Variants in TATDN2 observed in about 807,000 individuals in gnomAD.
The protein encoded by TATDN2 is TatD DNase domain containing 2, also known as 3'-5' RNA nuclease TATDN2.
TATDN2 carries 44 observed loss-of-function variants against 60.3 expected under a neutral mutation model. That is an observed-to-expected ratio of 0.73 (90% CI 0.57 to 0.94). TATDN2 has a LOEUF of 0.94. Ranked by LOEUF, TATDN2 falls within the 40% of genes least tolerant of loss-of-function variation. The pLI, the probability that TATDN2 is intolerant of heterozygous loss-of-function variation, is 0.00. For synonymous variants in TATDN2, 399 were observed against 355.8 expected (o/e 1.12, Z -1.37); for missense variants, 997 against 948.0 (o/e 1.05, Z -0.68).
In TATDN2 at chr3:10,249,484, G is replaced by C; in HGVS notation, c.284G>C (p.Gly95Ala). The change falls in exon 2 of 8, where the codon GGG (glycine) becomes GCG (alanine). Residue 95 changes from glycine to alanine, a missense_variant. By Grantham distance (60) the Gly-to-Ala change is moderately conservative (BLOSUM62 0). Coordinates refer to ENST00000448281, the MANE Select transcript of TATDN2 (RefSeq NM_014760.4). ...SPHFLGPGVG[G>A]AASKGCLIRN... ...CATTTCTTGGGCCCTGGTGTGGGCG[G>C]GGCCGCCTCCAAAGGCTGCCTGATT... The C allele has an allele frequency of 6.2e-7, 1 of 1,613,466 alleles. No homozygotes were observed.
At chr3:10,272,520 C>T (rs1397052955) in intron 4 of TATDN2, among the ~76,000 whole-genome samples, 1 of 151,876 alleles carries the variant, frequency 6.6e-6, no homozygotes, top group Non-Finnish European at 1.5e-5. Flanking sequence ...CTCACTGCAG[C>T]CTCCAGTTCC....
At chr3:10,254,818 C>T (rs577171230) in intron 2 of TATDN2, among the ~76,000 whole-genome samples, 1 of 152,202 alleles carries the variant, frequency 6.6e-6, no homozygotes, top group Admixed American at 6.5e-5. Flanking sequence ...ACGAACTCTC[C>T]CCTTTATGAA....
intron 3 of TATDN2, among the ~76,000 whole-genome samples, chr3:10,266,382 C>T (rs143135228): frequency 2.2e-4 from 34 of 152,250 alleles, no homozygotes; most frequent in Admixed American, 1.2e-3. Flanking sequence ...TGAGACTGGA[C>T]GACAATTAGG....
At position 10,267,042 on chromosome 3, in the gene TATDN2, C is replaced by A. The variant is rs548636743; in HGVS notation, c.949-3089C>A. ...TCAAGTGATTCTCATGTCTCAGCCTCCCGAGCAGCTGGGGTTACAGGCGTG... is the reference window on the plus strand; with the variant it reads ...TCAAGTGATTCTCATGTCTCAGCCTACCGAGCAGCTGGGGTTACAGGCGTG... On this transcript the variant is annotated intron_variant, in intron 3 of 7. Transcript: ENST00000448281. 2.0e-5 allele frequency among the ~76,000 whole-genome samples: 3 copies of A among 150,386 alleles called. No individual in the cohort carries two copies. In the South Asian group the frequency reaches 6.3e-4, roughly 32 times the overall value.
rs764786371 is a variant in TATDN2 at position 10,278,388 on chromosome 3, C to A, written c.2071C>A (p.Arg691=). ...VLTYSSAWEA[R]EALRQIPLER... ...GACATACTCCTCTGCCTGGGAGGCC[C>A]GGGAAGCCTTGAGGCAGATCCCACT... The change falls in exon 6 of 8, where the codon CGG becomes AGG. Residue 691 remains arginine, a synonymous_variant. Coordinates refer to ENST00000448281, the MANE Select transcript of TATDN2 (RefSeq NM_014760.4). This position sits in a 1 kb window ranked among gnomAD's most constrained non-coding sequence, Gnocchi z 4.7. 17 of 1,613,986 alleles carry A rather than the reference C, an allele frequency of 1.1e-5. No homozygotes were observed. In the South Asian group the frequency reaches 1.9e-4, roughly 18 times the overall value.
At chr3:10,255,884 A>G (rs889658813) in intron 2 of TATDN2, among the ~76,000 whole-genome samples, 1 of 152,194 alleles carries the variant, frequency 6.6e-6, no homozygotes, top group African/African-American at 2.4e-5. Context: ...GGAGGTTGTA[A>G]GTGAGCTGAG....
chr3:10,277,157 C>G (rs1428622172), intron 5 of TATDN2, among the ~76,000 whole-genome samples: 1 of 152,154 alleles, frequency 6.6e-6, no homozygotes, highest in Non-Finnish European at 1.5e-5. Context: ...TCTTAGGGTA[C>G]TTGAAAGGAC....
chr3:10,250,298 T>A (rs1194163626), intron 2 of TATDN2, among the ~76,000 whole-genome samples: 1 of 152,004 alleles, frequency 6.6e-6, no homozygotes, highest in South Asian at 2.1e-4. Context: ...TTCGCTCATC[T>A]ACTCAATCAA....
intron 4 of TATDN2, among the ~76,000 whole-genome samples, chr3:10,273,793 C>T (rs1485777380): frequency 2.0e-5 from 3 of 152,048 alleles, no homozygotes; most frequent in Non-Finnish European, 2.9e-5. Context: ...TTACTGTTAA[C>T]GTTTTCTTTG....
At chr3:10,260,691 G>A (rs1187260078) in intron 3 of TATDN2, 21 bp downstream of exon 3, 1 of 1,594,258 alleles carries the variant, frequency 6.3e-7, no homozygotes, top group African/African-American at 1.4e-5. Flanking sequence ...CTTGTACCAG[G>A]CATCTGACTT....
chr3:10,257,844 T>TAA (rs1698335931), intron 2 of TATDN2, among the ~76,000 whole-genome samples: 1 of 50,706 alleles, frequency 2.0e-5, no homozygotes, highest in Non-Finnish European at 3.4e-5. Context: ...GTTTATGATT[T>TAA]TTTTTTTTTT....
Position 10,278,224 on chromosome 3 carries a change from G to A in TATDN2, c.1962-55G>A. On this transcript the variant is annotated intron_variant, in intron 5 of 7. Transcript: ENST00000448281. The surrounding 1 kb of genome is among the most constrained non-coding windows in gnomAD (Gnocchi z 4.7). The stretch of plus-strand genomic sequence containing the variant: ...AGGGGTGATGGGTGTGGGGGGAGCT[G>A]GGGGCTGCTGCAGAGGGGACTGTGA... 6.4e-7 allele frequency: 1 copy of A among 1,564,874 alleles called. No homozygotes were observed. Among genetic ancestry groups the A allele is most frequent in the South Asian group, 1.2e-5 (1 of 86,254 alleles).
chr3:10,261,899 T>C (rs532141413), intron 3 of TATDN2, among the ~76,000 whole-genome samples: 1 of 152,354 alleles, frequency 6.6e-6, no homozygotes, highest in South Asian at 2.1e-4. Flanking sequence ...AGCTTCCCCT[T>C]TCTGCAGCCT....
At chr3:10,267,601 G>A (rs1306282557) in intron 3 of TATDN2, among the ~76,000 whole-genome samples, 1 of 152,122 alleles carries the variant, frequency 6.6e-6, no homozygotes, top group Non-Finnish European at 1.5e-5. Context: ...TGTAAAAAAT[G>A]GGGTCATATG....
At chr3:10,251,242 A>G (rs962292257) in intron 2 of TATDN2, among the ~76,000 whole-genome samples, 1 of 152,080 alleles carries the variant, frequency 6.6e-6, no homozygotes, top group Non-Finnish European at 1.5e-5. Flanking sequence ...ACTGCCCACA[A>G]TGTGGTATGA....
In TATDN2 at chr3:10,249,302, C is replaced by T. The variant is rs767449655; in HGVS notation, c.102C>T (p.Pro34=). The change falls in exon 2 of 8, where the codon CCC becomes CCT. Residue 34 remains proline (P), a synonymous_variant. Transcript: ENST00000448281. ...TCCGGGAGCCCTGTGATGTGGCCCCCTCCAGCCGGCCAGCTCAGAGGTCTG... is the reference window on the plus strand; with the variant it reads ...TCCGGGAGCCCTGTGATGTGGCCCCTTCCAGCCGGCCAGCTCAGAGGTCTG... The part of the protein sequence containing the change: ...SCLREPCDVA[P]SSRPAQRSAS... 22 of 1,606,724 alleles carry T rather than the reference C, an allele frequency of 1.4e-5. No individual in the cohort carries two copies. The highest frequency in any genetic ancestry group is 2.2e-5 in the South Asian group (2 of 90,654).
At chr3:10,272,718 C>T (rs1297098774) in intron 4 of TATDN2, among the ~76,000 whole-genome samples, 6 of 144,340 alleles carry the variant, frequency 4.2e-5, no homozygotes, top group East Asian at 4.1e-4. Context: ...GGCGAAACCC[C>T]GTCTCTATTA....
rs908305690 is a variant in TATDN2 at position 10,272,677 on chromosome 3, G to A, written c.1833+1662G>A. Among the ~76,000 whole-genome samples the A allele has an allele frequency of 2.0e-5, 3 of 152,122 alleles. No homozygotes were observed. In the South Asian group the frequency reaches 6.2e-4, roughly 32 times the overall value. ...GGCCGAGGCAGGCGGATCACCTGAG[G>A]CCAGGAGTTGGAGACCAGCCTGGCC... On this transcript the variant is annotated intron_variant, in intron 4 of 7. Transcript: ENST00000448281.
chr3:10,261,756 T>G (rs1327705220), intron 3 of TATDN2, among the ~76,000 whole-genome samples: 1 of 152,228 alleles, frequency 6.6e-6, no homozygotes, highest in Non-Finnish European at 1.5e-5. Context: ...TTCTAGTACT[T>G]ACCCCATGTT....
Sources: gnomAD v4.1 joint callset for allele counts (sites outside exome capture counted in the v4.1 genomes callset) on GRCh38, gnomAD v4.1.1 for gene constraint, Gnocchi (gnomAD v3.1) non-coding constraint, MANE v1.5 for transcripts, NCBI Gene and HGNC (gene_info 2026-07-23, HGNC 2026-07-21) for gene names.